Variants in PODXL2 observed in about 807,000 individuals in gnomAD.
PODXL2 encodes podocalyxin like 2.
In PODXL2, 17 loss-of-function variants were observed where a neutral mutation model predicts 53.4. That is an observed-to-expected ratio of 0.32 (90% CI 0.22 to 0.48). The LOEUF (loss-of-function observed/expected upper bound fraction) is 0.48, where lower values mean the gene tolerates loss of function less well. PODXL2 is among the 20% of genes least tolerant of loss of function. PODXL2 has a pLI of 0.99. For missense variants in PODXL2, 673 were observed against 760.0 expected (o/e 0.89, Z 1.35); for synonymous variants, 311 against 306.7 (o/e 1.01, Z -0.15).
At chr3:127,666,756 G>A (rs185394292) in intron 4 of PODXL2, among the ~76,000 whole-genome samples, 61 of 152,314 alleles carry the variant, frequency 4.0e-4, no homozygotes, top group African/African-American at 1.3e-3. Context: ...CCTTGCCACG[G>A]ACATTCAGTT....
chr3:127,642,291 GA>G (rs201417926), intron 2 of PODXL2, among the ~76,000 whole-genome samples: 5,986 of 77,134 alleles, frequency 0.078, 415 homozygotes, highest in East Asian at 0.35. Context: ...CTCCATCTCA[GA>G]AAAAAAAAAA....
chr3:127,662,446 C>T, intron 4 of PODXL2, 135 bp downstream of exon 4: 1 of 608,728 alleles, frequency 1.6e-6, no homozygotes, highest in Non-Finnish European at 2.9e-6. Context: ...CAGGGATATA[C>T]CAGCAGCCAT....
intron 4 of PODXL2, among the ~76,000 whole-genome samples, chr3:127,666,346 G>A (rs2074794866): frequency 6.8e-6 from 1 of 147,128 alleles, no homozygotes; most frequent in Non-Finnish European, 1.5e-5. Flanking sequence ...GGAAACTGAG[G>A]CTCAGAGAGG....
intron 3 of PODXL2, 36 bp from the exon 4 acceptor site, chr3:127,662,201 C>T (rs745615541): frequency 1.9e-6 from 3 of 1,587,222 alleles, no homozygotes; most frequent in South Asian, 2.2e-5. Context: ...CCTATGCCTT[C>T]GTAACTGTCG....
At chr3:127,667,393 G>A (rs989590350) in intron 4 of PODXL2, among the ~76,000 whole-genome samples, 3 of 152,254 alleles carry the variant, frequency 2.0e-5, no homozygotes, top group Admixed American at 6.5e-5. Flanking sequence ...GGCACTGTGA[G>A]AGAGCTGAGC....
intron 1 of PODXL2, among the ~76,000 whole-genome samples, chr3:127,633,302 C>A (rs765997152): frequency 6.6e-6 from 1 of 152,192 alleles, no homozygotes; most frequent in Non-Finnish European, 1.5e-5. Context: ...AGGAAGGTAC[C>A]CAGCCCCACA....
rs183263234 is a variant in PODXL2 at position 127,651,000 on chromosome 3, C to A, written c.350-9378C>A. ...TGTGGTGAGGCTGGGTGCGATGGCT[C>A]ACACCCGTAATCCCAACGCTTCGGG... On this transcript the variant is annotated intron_variant, in intron 2 of 7. Coordinates refer to ENST00000342480, the MANE Select transcript of PODXL2 (RefSeq NM_015720.4). 2.4e-3 allele frequency among the ~76,000 whole-genome samples: 365 copies of A among 152,288 alleles called. 2 individuals are homozygous for A. The highest frequency in any genetic ancestry group is 8.4e-3 in the African/African-American group (351 of 41,586).
At chr3:127,654,418 G>A (rs2074708914) in intron 2 of PODXL2, among the ~76,000 whole-genome samples, 1 of 152,170 alleles carries the variant, frequency 6.6e-6, no homozygotes, top group East Asian at 1.9e-4. Context: ...CCAGTCTCAC[G>A]GGCCCTCTCC....
At chr3:127,664,746 G>A (rs1226018613) in intron 4 of PODXL2, among the ~76,000 whole-genome samples, 1 of 151,682 alleles carries the variant, frequency 6.6e-6, no homozygotes, top group Non-Finnish European at 1.5e-5. Flanking sequence ...TTTTGCCATT[G>A]AAAGTAATGA....
chr3:127,650,274 G>A (rs957967816), intron 2 of PODXL2, among the ~76,000 whole-genome samples: 2 of 152,166 alleles, frequency 1.3e-5, no homozygotes, highest in African/African-American at 2.4e-5. Context: ...CGATAAACTG[G>A]GGAAAGAAAC....
chr3:127,670,532 T>C (rs910201767), intron 6 of PODXL2, among the ~76,000 whole-genome samples: 3 of 152,170 alleles, frequency 2.0e-5, no homozygotes, highest in Non-Finnish European at 4.4e-5. Context: ...TCATGCTGGG[T>C]CTTTGGAAAT....
intron 6 of PODXL2, among the ~76,000 whole-genome samples, chr3:127,669,987 G>A (rs997311476): frequency 2.0e-5 from 3 of 152,216 alleles, no homozygotes; most frequent in Non-Finnish European, 2.9e-5. Flanking sequence ...CTCCACTCCC[G>A]AAGGTGCTGC....
chr3:127,629,438 C>A lies in PODXL2; in HGVS notation c.70+149C>A. 1.7e-6 allele frequency: 1 copy of A among 597,488 alleles called. No individual in the cohort carries two copies. Among genetic ancestry groups the A allele is most frequent in the Non-Finnish European group, 2.1e-6 (1 of 475,580 alleles). The allele number at this position is 597,488 out of a possible 1,614,324, so 37.0% of individuals were successfully genotyped here. On this transcript the variant is annotated intron_variant, in intron 1 of 7. Transcript: ENST00000342480. This position sits in a 1 kb window ranked among gnomAD's most constrained non-coding sequence, Gnocchi z 6.4. ...GCCGGGCCGCGGCGCCGCCCCGACA[C>A]ACGCGCACGAGGAGTGGGTGCGTGG...
intron 1 of PODXL2, among the ~76,000 whole-genome samples, chr3:127,631,506 C>A (rs866422309): frequency 8.5e-5 from 13 of 152,270 alleles, no homozygotes; most frequent in Admixed American, 5.2e-4. Flanking sequence ...ATCCCCTAAT[C>A]CTTTTCATGT....
Position 127,672,623 on chromosome 3 carries a change from C to T in PODXL2, c.*143C>T. The T allele has an allele frequency of 7.6e-6, 4 of 528,176 alleles. No individual in the cohort carries two copies. The highest frequency in any genetic ancestry group is 1.3e-5 in the Non-Finnish European group (4 of 314,910). The allele number at this position is 528,176 out of a possible 1,614,324, so 32.7% of individuals were successfully genotyped here. A position where few individuals can be genotyped will look rare whatever the true frequency, so the allele number is the denominator to read the frequency against. ...CCTCGGCGCGGGCTCCTTCCCGCTT[C>T]CCCCGACTTCACACGGCGGCTTCGG... On this transcript the variant is annotated 3_prime_UTR_variant, in exon 8 of 8. Coordinates refer to ENST00000342480, the MANE Select transcript of PODXL2 (RefSeq NM_015720.4).
chr3:127,662,461 A>G, intron 4 of PODXL2, 150 bp downstream of exon 4: 1 of 569,346 alleles, frequency 1.8e-6, no homozygotes, highest in East Asian at 2.8e-5. Context: ...AGCCATCAAC[A>G]TTACACACAG....
intron 4 of PODXL2, among the ~76,000 whole-genome samples, chr3:127,667,740 G>T (rs912103152): frequency 6.6e-6 from 1 of 152,208 alleles, no homozygotes; most frequent in South Asian, 2.1e-4. Flanking sequence ...ATGAGAAAAG[G>T]TCTCCTCACA....
At chr3:127,632,533 G>T (rs2074553722) in intron 1 of PODXL2, among the ~76,000 whole-genome samples, 1 of 152,164 alleles carries the variant, frequency 6.6e-6, no homozygotes, top group South Asian at 2.1e-4. Flanking sequence ...CGGGTGCCCC[G>T]GGAACCTATA....
At chr3:127,658,399 C>A (rs1008401523) in intron 2 of PODXL2, among the ~76,000 whole-genome samples, 1 of 147,264 alleles carries the variant, frequency 6.8e-6, no homozygotes, top group African/African-American at 2.5e-5. Flanking sequence ...TTCTTGATTT[C>A]CCATGTCTTT....
Sources: gnomAD v4.1 joint callset for allele counts (sites outside exome capture counted in the v4.1 genomes callset) on GRCh38, gnomAD v4.1.1 for gene constraint, Gnocchi (gnomAD v3.1) non-coding constraint, MANE v1.5 for transcripts, NCBI Gene and HGNC (gene_info 2026-07-23, HGNC 2026-07-21) for gene names.